BMP6: variants seen among roughly 807,000 people sequenced by gnomAD.
BMP6 encodes the protein bone morphogenetic protein 6.
BMP6 carries 17 observed loss-of-function variants against 54.1 expected under a neutral mutation model. The observed-to-expected ratio is 0.31, with a 90% CI of 0.22 to 0.47. BMP6 has a LOEUF of 0.47. BMP6 is among the 20% of genes least tolerant of loss of function. BMP6 has a pLI of 1.00. For missense variants in BMP6, 720 were observed against 690.4 expected, an observed-to-expected ratio of 1.04 and a Z score of -0.48; for synonymous variants, 328 against 291.2, an observed-to-expected ratio of 1.13 and a Z score of -1.28.
intron 1 of BMP6, among the ~76,000 whole-genome samples, chr6:7,817,483 C>T (rs1758545166): frequency 6.8e-6 from 1 of 147,622 alleles, no homozygotes; most frequent in South Asian, 2.1e-4. Context: ...GACAGAAAAC[C>T]AAACACCGCA....
chr6:7,831,089 C>T (rs1269313929), intron 1 of BMP6, among the ~76,000 whole-genome samples: 3 of 152,132 alleles, frequency 2.0e-5, no homozygotes, highest in Non-Finnish European at 2.9e-5. Flanking sequence ...CAAAATGTGG[C>T]ATGTATCCAT....
At position 7,739,063 on chromosome 6, in the gene BMP6, G is replaced by C. The variant is rs953923022; in HGVS notation, c.664+11444G>C. ...AAGCCTGCTCTTGGCAACTGTGATTGACCTTTACCCTATGTCTCACTTTCC... is the reference window on the plus strand; with the variant it reads ...AAGCCTGCTCTTGGCAACTGTGATTCACCTTTACCCTATGTCTCACTTTCC... On this transcript the variant is annotated intron_variant, in intron 1 of 6. Transcript: ENST00000283147. Among the ~76,000 whole-genome samples, 9 of 152,256 alleles carry C rather than the reference G, an allele frequency of 5.9e-5. No individual in the cohort carries two copies. The East Asian group carries it at 1.7e-3, about 29-fold the overall frequency.
intron 1 of BMP6, among the ~76,000 whole-genome samples, chr6:7,840,183 T>C (rs902743220): frequency 6.6e-6 from 1 of 152,192 alleles, no homozygotes; most frequent in African/African-American, 2.4e-5. Context: ...AACTTCATCA[T>C]GTCTCTAAAA....
intron 4 of BMP6, among the ~76,000 whole-genome samples, chr6:7,869,853 G>A (rs1249618633): frequency 6.6e-6 from 1 of 152,164 alleles, no homozygotes; most frequent in Non-Finnish European, 1.5e-5. Flanking sequence ...ACGTGCACCT[G>A]CAACAGGAGG....
chr6:7,746,627 A>C (rs969440672), intron 1 of BMP6, among the ~76,000 whole-genome samples: 2 of 152,232 alleles, frequency 1.3e-5, no homozygotes, highest in Admixed American at 1.3e-4. Flanking sequence ...TAATTCCAGT[A>C]ACTAAAATCT....
At chr6:7,760,305 C>G (rs377172537) in intron 1 of BMP6, among the ~76,000 whole-genome samples, 2 of 151,930 alleles carry the variant, frequency 1.3e-5, no homozygotes, top group East Asian at 3.9e-4. Context: ...TTATTTGTTC[C>G]TTTTCCTAAA....
intron 1 of BMP6, among the ~76,000 whole-genome samples, chr6:7,843,361 G>A (rs1278356010): frequency 6.6e-6 from 1 of 151,166 alleles, no homozygotes; most frequent in Non-Finnish European, 1.5e-5. Context: ...ACCTATAGAT[G>A]GCTTAACTTA....
chr6:7,808,593 C>T (rs1758387381), intron 1 of BMP6, among the ~76,000 whole-genome samples: 1 of 152,092 alleles, frequency 6.6e-6, no homozygotes, highest in African/African-American at 2.4e-5. Flanking sequence ...CCAACTAGCA[C>T]CAAACTTTTG....
chr6:7,756,904 C>T lies in BMP6; in HGVS notation c.664+29285C>T, dbSNP rs151158711. Among the ~76,000 whole-genome samples, 68 of 152,194 alleles carry T rather than the reference C, an allele frequency of 4.5e-4. 2 individuals carry two copies. Among genetic ancestry groups the T allele is most frequent in the African/African-American group, 1.4e-3 (60 of 41,442 alleles). ...TGTAAACTGGTAATTTTTTTTCCTG[C>T]TGCTTTCCCATAGTTCTTTCCTTGC... On this transcript the variant is annotated intron_variant, in intron 1 of 6. Coordinates refer to ENST00000283147, the MANE Select transcript of BMP6 (RefSeq NM_001718.6).
chr6:7,846,491 G>A (rs986491521), intron 2 of BMP6, among the ~76,000 whole-genome samples: 1 of 152,190 alleles, frequency 6.6e-6, no homozygotes, highest in Admixed American at 6.5e-5. Flanking sequence ...CAGCCCTTGT[G>A]CATATTTAGG....
At chr6:7,792,557 G>A (rs1325567685) in intron 1 of BMP6, among the ~76,000 whole-genome samples, 4 of 152,238 alleles carry the variant, frequency 2.6e-5, no homozygotes, top group East Asian at 1.9e-4. Context: ...AGACATACCC[G>A]ACTCAAACAG....
chr6:7,766,417 C>T (rs1011585007), intron 1 of BMP6, among the ~76,000 whole-genome samples: 17 of 152,068 alleles, frequency 1.1e-4, no homozygotes, highest in African/African-American at 4.1e-4. Context: ...GTTTGAAAAC[C>T]AGCCTGGGCA....
intron 1 of BMP6, among the ~76,000 whole-genome samples, chr6:7,771,859 C>G (rs1757793860): frequency 6.6e-6 from 1 of 152,082 alleles, no homozygotes; most frequent in South Asian, 2.1e-4. Context: ...TTGAGACCAG[C>G]CTGGCTAACA....
rs145586825 is a variant in BMP6 at position 7,836,726 on chromosome 6, T to C, written c.665-8414T>C. ...ATTTGTGATTCTTATAGAATATGAATACAAATACTTAGAAATATTTGATGA... is the reference window on the plus strand; with the variant it reads ...ATTTGTGATTCTTATAGAATATGAACACAAATACTTAGAAATATTTGATGA... On this transcript the variant is annotated intron_variant, in intron 1 of 6. Transcript: ENST00000283147. 2.7e-3 allele frequency among the ~76,000 whole-genome samples: 416 copies of C among 152,350 alleles called. 4 individuals are homozygous for C. Among genetic ancestry groups the C allele is most frequent in the African/African-American group, 9.5e-3 (394 of 41,598 alleles).
intron 1 of BMP6, among the ~76,000 whole-genome samples, chr6:7,775,706 T>A (rs1757852624): frequency 1.3e-5 from 2 of 152,202 alleles, no homozygotes; most frequent in Non-Finnish European, 1.5e-5. Context: ...CTTGCTTGCT[T>A]CCCAAGTCAA....
chr6:7,796,900 G>A (rs1758199083), intron 1 of BMP6, among the ~76,000 whole-genome samples: 1 of 152,018 alleles, frequency 6.6e-6, no homozygotes, highest in Non-Finnish European at 1.5e-5. Flanking sequence ...AATCTTTCTG[G>A]ATAATTCGTT....
chr6:7,772,348 T>C (rs1016151047), intron 1 of BMP6, among the ~76,000 whole-genome samples: 20 of 152,342 alleles, frequency 1.3e-4, no homozygotes, highest in Admixed American at 1.0e-3. Context: ...GATCTTTTCG[T>C]TGGTGAATTC....
rs906373136 is a variant in BMP6 at position 7,835,842 on chromosome 6, T to C, written c.665-9298T>C. Among the ~76,000 whole-genome samples the C allele has an allele frequency of 5.9e-4, 90 of 152,012 alleles. 1 individual carries two copies. The highest frequency in any genetic ancestry group is 1.3e-4 in the Non-Finnish European group (9 of 68,004). On this transcript the variant is annotated intron_variant, in intron 1 of 6. Transcript: ENST00000283147. ...CTACTGAGCATCTCCCCAATTTTTT[T>C]TTTTCTTTTTTTGAGATGGAGTCTT...
intron 1 of BMP6, among the ~76,000 whole-genome samples, chr6:7,743,325 C>T (rs1757298522): frequency 6.6e-6 from 1 of 152,152 alleles, no homozygotes; most frequent in Admixed American, 6.5e-5. Flanking sequence ...TCAGGGTTGA[C>T]AAGGTTAATG....
Sources: allele counts gnomAD v4.1 joint callset (sites outside exome capture counted in the v4.1 genomes callset), GRCh38; gene constraint gnomAD v4.1.1; transcripts MANE v1.5; gene names NCBI Gene and HGNC (gene_info 2026-07-23, HGNC 2026-07-21).